NOL8: variants seen among roughly 807,000 people sequenced by gnomAD.
The protein encoded by NOL8 is nucleolar protein 8.
In NOL8, 93 loss-of-function variants were observed where a neutral mutation model predicts 116.1. The ratio of observed to expected loss-of-function variants is 0.80; its 90% CI spans 0.68 to 0.95. The LOEUF (loss-of-function observed/expected upper bound fraction) is 0.95, where lower values mean the gene tolerates loss of function less well. Ranked by LOEUF, NOL8 falls within the 40% of genes least tolerant of loss-of-function variation. NOL8 has a pLI of 0.00. For synonymous variants in NOL8, 419 were observed against 469.0 expected (o/e 0.89, Z 1.38); for missense variants, 1,291 against 1,382.8 (o/e 0.93, Z 1.05).
intron 12 of NOL8, among the ~76,000 whole-genome samples, chr9:92,303,549 A>G (rs1437640815): frequency 6.6e-6 from 1 of 152,190 alleles, no homozygotes; most frequent in Non-Finnish European, 1.5e-5. Context: ...GCAAAGTCTT[A>G]TCTATTTACT....
intron 7 of NOL8, among the ~76,000 whole-genome samples, chr9:92,312,446 TAAAAA>T (rs34116665): frequency 3.1e-4 from 18 of 57,546 alleles, no homozygotes; most frequent in Admixed American, 1.7e-3. Flanking sequence ...TGAGACCCTG[TAAAAA>T]AAAAAAAAAA....
At chr9:92,306,278 G>A (rs1055753552) in intron 11 of NOL8, among the ~76,000 whole-genome samples, 2 of 152,162 alleles carry the variant, frequency 1.3e-5, no homozygotes, top group African/African-American at 4.8e-5. Flanking sequence ...ACAGGTGTGA[G>A]CCACCATGCC....
chr9:92,308,082 G>A (rs891937225), intron 10 of NOL8, among the ~76,000 whole-genome samples: 3 of 152,050 alleles, frequency 2.0e-5, no homozygotes, highest in African/African-American at 4.8e-5. Flanking sequence ...GAGACAAAAC[G>A]TTGTGCCTCA....
intron 12 of NOL8, among the ~76,000 whole-genome samples, chr9:92,303,529 G>A (rs923281183): frequency 6.6e-6 from 1 of 152,140 alleles, no homozygotes; most frequent in Non-Finnish European, 1.5e-5. Flanking sequence ...CAGCAGAGAT[G>A]GTCTGGCCTG....
rs1838749015 is a variant in NOL8, at chr9:92,311,183, G to A, written c.2435C>T (p.Thr812Ile). Reference protein sequence around the residue: ...DSECETEETSTQEQSHPGEEW... With the variant: ...DSECETEETSIQEQSHPGEEW... ...CTCTCCTGGATGGCTCTGCTCCTGAGTCGATGTCTCCTCTGTTTCACATTC... is the reference window on the plus strand; with the variant it reads ...CTCTCCTGGATGGCTCTGCTCCTGAATCGATGTCTCCTCTGTTTCACATTC... Residue 812 changes from threonine (T) to isoleucine (I), a missense_variant, in exon 8 of 17, where the codon ACT becomes ATT. Thr to Ile is a moderately conservative substitution (Grantham distance 89). Coordinates refer to ENST00000442668, the MANE Select transcript of NOL8 (RefSeq NM_017948.6). The A allele has an allele frequency of 6.2e-7, 1 of 1,613,822 alleles. No individual in the cohort carries two copies. The highest frequency in any genetic ancestry group is 8.5e-7 in the Non-Finnish European group (1 of 1,179,794).
chr9:92,305,792 G>T lies in NOL8; in HGVS notation c.2864C>A (p.Ala955Asp). ...IHYDPTKQDHATYERKRDDKP... is the reference protein window; with the variant it reads ...IHYDPTKQDHDTYERKRDDKP... ...ATCATCTCTTTTTCTTTCGTAAGTG[G>T]CATGGTCTTGCTTCGTTGGATCATA... Residue 955 changes from alanine (A) to aspartate (D), a missense_variant, in exon 12 of 17, where the codon GCC becomes GAC. Ala to Asp is a moderately radical substitution (Grantham distance 126). Transcript: ENST00000442668. The T allele has an allele frequency of 6.2e-7, 1 of 1,612,502 alleles. No homozygotes were observed. The highest frequency in any genetic ancestry group is 8.5e-7 in the Non-Finnish European group (1 of 1,178,836).
intron 14 of NOL8, among the ~76,000 whole-genome samples, 189 bp from the exon 15 acceptor site, chr9:92,299,143 C>T (rs1837501094): frequency 6.6e-6 from 1 of 152,032 alleles, no homozygotes; most frequent in South Asian, 2.1e-4. Flanking sequence ...TGCATTTTGC[C>T]CTGAGTTAAA....
intron 15 of NOL8, chr9:92,298,636 A>G: frequency 4.1e-6 from 2 of 482,964 alleles, no homozygotes; most frequent in Non-Finnish European, 7.2e-6. Context: ...TAGGGGTTTT[A>G]TATGTCTAAC....
At chr9:92,319,796 C>T (rs1424550609) in intron 4 of NOL8, 2 of 325,774 alleles carry the variant, frequency 6.1e-6, no homozygotes, top group Admixed American at 8.5e-5. Flanking sequence ...TGACCAGTCC[C>T]TTACCACCAG....
chr9:92,314,350 C>T lies in NOL8; in HGVS notation c.2275G>A (p.Glu759Lys). Residue 759 changes from glutamate to lysine, a missense_variant, in exon 7 of 17, where the codon GAG (glutamate) becomes AAG (lysine). Coordinates refer to ENST00000442668, the MANE Select transcript of NOL8 (RefSeq NM_017948.6). The stretch of plus-strand genomic sequence containing the variant: ...GCTTCCAAGGCTGCCAAACGCTTCT[C>T]ATTGTCTTCAGCATGCTTATCTTTA... ...SAKDKHAEDN[E>K]KRLAALEARQ... 1 of 1,612,508 alleles carries T rather than the reference C, an allele frequency of 6.2e-7. No individual in the cohort carries two copies. Among genetic ancestry groups the T allele is most frequent in the South Asian group, 1.1e-5 (1 of 90,998 alleles).
rs1203095797 is a variant in NOL8 at position 92,300,302 on chromosome 9, AT to A, written c.3176-287del. ...TAAAGGTTTATAAATGAGCTATATA[AT>A]TTTTAAAAATGACACCTAAAATAAC... On this transcript the variant is annotated intron_variant, in intron 13 of 16. Transcript: ENST00000442668. The A allele has an allele frequency of 3.0e-6, 3 of 1,003,018 alleles. No homozygotes were observed. The African/African-American group carries it at 5.2e-5, about 17-fold the overall frequency. 62.1% of individuals were successfully genotyped at this position (1,003,018 alleles called of 1,614,324 possible). A position where few individuals can be genotyped will look rare whatever the true frequency, so the allele number is the denominator to read the frequency against.
rs748327613 is a variant in NOL8 at position 92,316,059 on chromosome 9, G to T, written c.566C>A (p.Ser189Tyr). The T allele has an allele frequency of 6.2e-7, 1 of 1,613,944 alleles. No homozygotes were observed. The highest frequency in any genetic ancestry group is 8.5e-7 in the Non-Finnish European group (1 of 1,179,876). The change falls in exon 7 of 17, where the codon TCC becomes TAC. Residue 189 changes from serine to tyrosine, a missense_variant. Physicochemically the swap from Ser to Tyr is moderately radical, Grantham distance 144 (BLOSUM62 -2). Transcript: ENST00000442668. ...TCCTTCTAATTCCCAAGTCAGGCTGGATATAGGAATGGTGTTTGAGAAATC... is the reference window on the plus strand; with the variant it reads ...TCCTTCTAATTCCCAAGTCAGGCTGTATATAGGAATGGTGTTTGAGAAATC... ...GEDFSNTIPI[S>Y]SLTWELEGGN...
intron 7 of NOL8, among the ~76,000 whole-genome samples, chr9:92,314,016 C>CA (rs1839112747): frequency 6.6e-6 from 1 of 152,132 alleles, no homozygotes; most frequent in Non-Finnish European, 1.5e-5. Flanking sequence ...AATCACTTGA[C>CA]AAGTGATTTT....
chr9:92,317,225 G>T (rs1173291910), intron 6 of NOL8, among the ~76,000 whole-genome samples: 6 of 152,212 alleles, frequency 3.9e-5, no homozygotes, highest in Admixed American at 3.9e-4. Context: ...CTCCCAAAGT[G>T]CTGGGATTAC....
chr9:92,323,616 T>G lies in NOL8; in HGVS notation c.140-113A>C, dbSNP rs1013700315. On this transcript the variant is annotated intron_variant, in intron 2 of 16. Coordinates refer to ENST00000442668, the MANE Select transcript of NOL8 (RefSeq NM_017948.6). ...AAAAAAAATAGCTCTTGAAAACTTA[T>G]TATTTCAAAGATAAACCTTGTTTTT... 3.6e-6 allele frequency: 3 copies of G among 837,262 alleles called. No individual in the cohort carries two copies. The African/African-American group carries it at 5.2e-5, about 14-fold the overall frequency. 51.9% of individuals were successfully genotyped at this position (837,262 alleles called of 1,614,324 possible). A position where few individuals can be genotyped will look rare whatever the true frequency, so the allele number is the denominator to read the frequency against.
chr9:92,314,861 G>A lies in NOL8; in HGVS notation c.1764C>T (p.Ser588=), dbSNP rs748556886. 5.0e-6 allele frequency: 8 copies of A among 1,613,266 alleles called. No homozygotes were observed. Among genetic ancestry groups the A allele is most frequent in the South Asian group, 2.2e-5 (2 of 91,020 alleles). The part of the protein sequence containing the change: ...CLYEKESMKK[S]LKDSVASNNK... ...TGTTAGAGGCAACACTGTCTTTCAA[G>A]GATTTTTTCATTGACTCCTTTTCAT... Residue 588 remains serine, a synonymous_variant, in exon 7 of 17, where the codon TCC becomes TCT. Coordinates refer to ENST00000442668, the MANE Select transcript of NOL8 (RefSeq NM_017948.6).
intron 13 of NOL8, chr9:92,300,489 T>C (rs890391692): frequency 3.0e-6 from 3 of 990,006 alleles, no homozygotes; most frequent in African/African-American, 3.5e-5. Flanking sequence ...TGCTATAAGA[T>C]CAGGACAATC....
chr9:92,307,027 T>C lies in NOL8; in HGVS notation c.2687-3A>G. The C allele has an allele frequency of 1.9e-6, 3 of 1,606,310 alleles. No homozygotes were observed. In the East Asian group the frequency reaches 6.7e-5, roughly 36 times the overall value. ...AGCAGTTTTCTTTTCATTTACCTCT[T>C]TGAGGAAAAGGGATAATTAATACTC... On this transcript the variant is annotated splice_polypyrimidine_tract_variant and splice_region_variant and intron_variant, in intron 10 of 16. Coordinates refer to ENST00000442668, the MANE Select transcript of NOL8 (RefSeq NM_017948.6).
At chr9:92,310,894 G>A (rs1838718219) in intron 8 of NOL8, 1 of 581,458 alleles carries the variant, frequency 1.7e-6, no homozygotes, top group African/African-American at 1.9e-5. Flanking sequence ...GATTTGGGGA[G>A]GTAGTTATTA....
Sources: allele counts gnomAD v4.1 joint callset (sites outside exome capture counted in the v4.1 genomes callset), GRCh38; gene constraint gnomAD v4.1.1; transcripts MANE v1.5; gene names NCBI Gene and HGNC (gene_info 2026-07-23, HGNC 2026-07-21).